Variants in GSN observed in about 807,000 individuals in gnomAD.
GSN encodes the protein gelsolin.
A neutral mutation model predicts 85.7 loss-of-function variants in GSN; 56 were observed. That is an observed-to-expected ratio of 0.65 (90% CI 0.53 to 0.82). The LOEUF is 0.82. GSN is among the 40% of genes least tolerant of loss of function. The pLI, the probability that GSN is intolerant of heterozygous loss-of-function variation, is 0.00. For missense variants in GSN, 857 were observed against 979.8 expected (o/e 0.87, Z 1.67); for synonymous variants, 373 against 399.1 (o/e 0.93, Z 0.78).
intron 2 of GSN, among the ~76,000 whole-genome samples, chr9:121,285,911 G>T (rs546975715): frequency 6.6e-6 from 1 of 152,286 alleles, no homozygotes; most frequent in East Asian, 1.9e-4. Context: ...CAAAATTGAC[G>T]GCCTTGTGCT....
At chr9:121,262,516 C>G (rs558737377) in intron 6 of GSN, among the ~76,000 whole-genome samples, 1 of 152,290 alleles carries the variant, frequency 6.6e-6, no homozygotes, top group East Asian at 1.9e-4. Context: ...ATAGGGCCAG[C>G]TCTGTTAAGC....
intron 2 of GSN, among the ~76,000 whole-genome samples, chr9:121,301,348 T>C (rs1241879245): frequency 6.6e-6 from 1 of 152,140 alleles, no homozygotes; most frequent in Non-Finnish European, 1.5e-5. Context: ...GAAGGGAGGC[T>C]GGGCGCGGTG....
chr9:121,233,452 G>A (rs537584648), intron 5 of GSN, among the ~76,000 whole-genome samples: 4 of 151,914 alleles, frequency 2.6e-5, no homozygotes, highest in South Asian at 4.2e-4. Context: ...GTGACAGAGC[G>A]AGACTCCATC....
At chr9:121,287,099 C>T (rs1375470999) in intron 2 of GSN, among the ~76,000 whole-genome samples, 1 of 152,142 alleles carries the variant, frequency 6.6e-6, no homozygotes, top group African/African-American at 2.4e-5. Context: ...TGTGTTCTCC[C>T]TCCCCTCCCT....
Position 121,303,036 on chromosome 9 carries a change from G to A in GSN, c.322G>A (p.Gly108Ser), listed in dbSNP as rs367933536. The change falls in exon 4 of 18, where the codon GGC becomes AGC. Residue 108 changes from glycine to serine, a missense_variant. Physicochemically the swap from Gly to Ser is moderately conservative, Grantham distance 56. Transcript: ENST00000432226. ...GGGCTTCGAGTCGGCCACCTTCCTA[G>A]GCTACTTCAAGTCTGGCCTGAAGTA... ...VQGFESATFLGYFKSGLKYKK... is the reference protein window; with the variant it reads ...VQGFESATFLSYFKSGLKYKK... 8.5e-5 allele frequency: 137 copies of A among 1,613,656 alleles called. No individual in the cohort carries two copies. Among genetic ancestry groups the A allele is most frequent in the Non-Finnish European group, 1.1e-4 (133 of 1,180,014 alleles).
intron 5 of GSN, among the ~76,000 whole-genome samples, chr9:121,231,851 G>T (rs925637517): frequency 1.3e-5 from 2 of 152,120 alleles, no homozygotes; most frequent in Non-Finnish European, 1.5e-5. Context: ...GTGCCAAAGC[G>T]GTCTCAGGAG....
intron 12 of GSN, among the ~76,000 whole-genome samples, chr9:121,325,856 C>T (rs748873399): frequency 2.6e-5 from 4 of 152,056 alleles, no homozygotes; most frequent in African/African-American, 4.8e-5. Context: ...CCCAAGTTCT[C>T]ACCATCAGGG....
Position 121,299,878 on chromosome 9 carries a change from C to T in GSN, c.-9-2085C>T, listed in dbSNP as rs2059612246. 3.0e-6 allele frequency: 4 copies of T among 1,325,148 alleles called. No homozygotes were observed. The highest frequency in any genetic ancestry group is 1.5e-5 in the African/African-American group (1 of 65,088). The allele number at this position is 1,325,148 out of a possible 1,614,324, so 82.1% of individuals were successfully genotyped here. ...GTCGCCACCATGGCTCCGCACCGCC[C>T]CGCGCCCGCGCTGCTTTGCGCGCTG... is the stretch of plus-strand genomic sequence containing the variant. On this transcript the variant is annotated intron_variant, in intron 2 of 17. Coordinates refer to ENST00000432226, the MANE Select transcript of GSN (RefSeq NM_198252.3). The surrounding 1 kb of genome is among the most constrained non-coding windows in gnomAD (Gnocchi z 4.2).
At chr9:121,254,295 C>T (rs1394086216) in intron 6 of GSN, among the ~76,000 whole-genome samples, 1 of 152,176 alleles carries the variant, frequency 6.6e-6, no homozygotes, top group Non-Finnish European at 1.5e-5. Context: ...CTGCTACATG[C>T]GTAATAGCAA....
chr9:121,266,747 C>T (rs1374707307), upstream of GSN, among the ~76,000 whole-genome samples: 2 of 152,086 alleles, frequency 1.3e-5, no homozygotes, highest in African/African-American at 4.8e-5. Context: ...CTTAGGAGGC[C>T]AGGTAGGGAG....
chr9:121,268,942 G>GC (rs2055486009), intron 1 of GSN, among the ~76,000 whole-genome samples: 1 of 152,224 alleles, frequency 6.6e-6, no homozygotes. Flanking sequence ...TCTGGGCAGT[G>GC]CCCAGGGGGA....
chr9:121,321,422 G>A (rs758768875), intron 11 of GSN, 21 bp downstream of exon 11: 12 of 1,611,012 alleles, frequency 7.4e-6, no homozygotes, highest in East Asian at 4.5e-5. Context: ...GGGGCCATTG[G>A]TGTGTGTCGT....
chr9:121,328,941 C>T lies in GSN; in HGVS notation c.1813C>T (p.Arg605Trp), dbSNP rs745355314. The change falls in exon 15 of 18, where the codon CGG becomes TGG. Residue 605 changes from arginine to tryptophan, a missense_variant. Coordinates refer to ENST00000432226, the MANE Select transcript of GSN (RefSeq NM_198252.3). The part of the protein sequence containing the change: ...GGKAAYRTSP[R>W]LKDKKMDAHP... ...GAAGGCTGCCTACCGCACATCCCCA[C>T]GGCTGAAGGACAAGAAGATGGATGC... 8 of 1,613,826 alleles carry T rather than the reference C, an allele frequency of 5.0e-6. No individual in the cohort carries two copies. Among genetic ancestry groups the T allele is most frequent in the Admixed American group, 1.7e-5 (1 of 60,026 alleles).
chr9:121,212,204 G>A (rs913583819), intron 4 of GSN, among the ~76,000 whole-genome samples: 2 of 152,110 alleles, frequency 1.3e-5, no homozygotes, highest in African/African-American at 2.4e-5. Flanking sequence ...ACAAGCAAGC[G>A]TTTTCAGAGC....
intron 2 of GSN, chr9:121,286,299 C>T (rs555355962): frequency 1.4e-6 from 1 of 690,394 alleles, no homozygotes; most frequent in South Asian, 1.8e-5. Flanking sequence ...GCCAGGCCCC[C>T]TGCAGAGATG....
intron 1 of GSN, among the ~76,000 whole-genome samples, chr9:121,268,552 A>G (rs2055411628): frequency 6.6e-6 from 1 of 152,050 alleles, no homozygotes; most frequent in Admixed American, 6.5e-5. Flanking sequence ...TCACCCCTGC[A>G]CTTGGGTTGT....
upstream of GSN, among the ~76,000 whole-genome samples, chr9:121,265,493 C>T (rs1029983880): frequency 6.6e-6 from 1 of 152,160 alleles, no homozygotes; most frequent in Non-Finnish European, 1.5e-5. Flanking sequence ...TTTTTTCTGC[C>T]GTCCACTCCT....
chr9:121,202,761 A>C, the GSN span, among the ~76,000 whole-genome samples: 1 of 152,238 alleles, frequency 6.6e-6, no homozygotes. Flanking sequence ...TGATATAAAC[A>C]TGACGTATCA....
chr9:121,308,941 C>T (rs1026382443), intron 4 of GSN: 1 of 152,250 alleles, frequency 6.6e-6, no homozygotes, highest in South Asian at 2.1e-4. Flanking sequence ...TTGCCCTCCT[C>T]GAGTCTGTGC....
Sources: gnomAD v4.1 joint callset for allele counts (sites outside exome capture counted in the v4.1 genomes callset) on GRCh38, gnomAD v4.1.1 for gene constraint, Gnocchi (gnomAD v3.1) non-coding constraint, MANE v1.5 for transcripts, NCBI Gene and HGNC (gene_info 2026-07-23, HGNC 2026-07-21) for gene names.